TCHHL1: variants seen among roughly 807,000 people sequenced by gnomAD.
TCHHL1 encodes trichohyalin like 1.
Under a neutral mutation model 3.5 loss-of-function variants are expected in TCHHL1, and 1 was observed. The observed-to-expected ratio is 0.29, with a 90% confidence interval of 0.10 to 1.36. TCHHL1 has a LOEUF of 1.36. TCHHL1 is among the 40% of genes most tolerant of loss of function. TCHHL1 has a pLI of 0.43. For missense variants in TCHHL1, 1,027 were observed against 1,032.8 expected (o/e 0.99, Z 0.08); for synonymous variants, 405 against 375.3 (o/e 1.08, Z -0.92).
chr1:152,085,227 C>T lies in TCHHL1; in HGVS notation c.2455G>A (p.Glu819Lys), dbSNP rs766458601. ...GCTATCTGAACTTGCTTTTGATGCT[C>T]CTCTTGGGTTACATTTGTTTGCTGC... ...ILQQTNVTQE[E>K]HQKQVQIAQA... is the part of the protein sequence containing the mutation. Residue 819 changes from glutamate (E) to lysine (K), a missense_variant, in exon 3 of 3, where the codon GAG (glutamate) becomes AAG (lysine). By Grantham distance (56) the Glu-to-Lys change is moderately conservative. Coordinates refer to ENST00000368806, the MANE Select transcript of TCHHL1 (RefSeq NM_001008536.2). 3 of 1,614,172 alleles carry T rather than the reference C, an allele frequency of 1.9e-6. No homozygotes were observed. Among genetic ancestry groups the T allele is most frequent in the East Asian group, 2.2e-5 (1 of 44,886 alleles).
In TCHHL1 at chr1:152,085,273, C is replaced by T; in HGVS notation, c.2409G>A (p.Gln803=). Residue 803 remains glutamine, a synonymous_variant, in exon 3 of 3, where the codon CAG becomes CAA. Coordinates refer to ENST00000368806, the MANE Select transcript of TCHHL1 (RefSeq NM_001008536.2). ...GCTGCAGTATCTTCTCCTGTAGGTA[C>T]TGGTATAGTGGACTGGAATAGACTG... The part of the protein sequence containing the change: ...RGAVYSSPLY[Q]YLQEKILQQT... 4 of 1,614,164 alleles carry T rather than the reference C, an allele frequency of 2.5e-6. No individual in the cohort carries two copies. The highest frequency in any genetic ancestry group is 3.4e-6 in the Non-Finnish European group (4 of 1,180,032).
Position 152,087,071 on chromosome 1 carries a change from C to A in TCHHL1, c.611G>T (p.Gly204Val). 1.2e-6 allele frequency: 2 copies of A among 1,613,974 alleles called. No homozygotes were observed. Among genetic ancestry groups the A allele is most frequent in the South Asian group, 1.1e-5 (1 of 91,052 alleles). Residue 204 changes from glycine to valine, a missense_variant, in exon 3 of 3, where the codon GGC becomes GTC. Gly to Val is a moderately radical substitution (Grantham distance 109, BLOSUM62 -3). This residue lies in a region of TCHHL1 where 338 missense variants were observed against 335.9 expected (regional missense o/e 1.01). Transcript: ENST00000368806. ...QDIQTTEDNEGQLKTNKPMAG... is the reference protein window; with the variant it reads ...QDIQTTEDNEVQLKTNKPMAG... Reference sequence around the variant, plus strand: ...CATTGGCTTATTTGTCTTAAGTTGGCCTTCATTGTCTTCTGTTGTTTGTAT... The same window carrying A: ...CATTGGCTTATTTGTCTTAAGTTGGACTTCATTGTCTTCTGTTGTTTGTAT...
rs376845053 is a variant in TCHHL1, at chr1:152,085,070, C to T, written c.2612G>A (p.Gly871Asp). 2 of 1,614,020 alleles carry T rather than the reference C, an allele frequency of 1.2e-6. No homozygotes were observed. The highest frequency in any genetic ancestry group is 8.5e-7 in the Non-Finnish European group (1 of 1,180,012). The change falls in exon 3 of 3, where the codon GGT (glycine) becomes GAT (aspartate). Residue 871 changes from glycine to aspartate, a missense_variant. Coordinates refer to ENST00000368806, the MANE Select transcript of TCHHL1 (RefSeq NM_001008536.2). ...CTGGGGAGCTGGTGTTTCCTGTGCACCAGCAGGACTCTCATCAAGTGGAAG... is the reference window on the plus strand; with the variant it reads ...CTGGGGAGCTGGTGTTTCCTGTGCATCAGCAGGACTCTCATCAAGTGGAAG... ...RGLPLDESPA[G>D]AQETPAPQAL... is the part of the protein sequence containing the mutation.
At position 152,088,018 on chromosome 1, in the gene TCHHL1, C is replaced by T; in HGVS notation, c.126G>A (p.Gly42=). ...ELKQLIQGEF[G]DFFQPCVLHA... is the part of the protein sequence containing the mutation. ...GTGAGAAGCTCACCTGAAAAAAGTC[C>T]CCAAACTCGCCCTGGATGAGTTGTT... The change falls in exon 2 of 3, where the codon GGG becomes GGA. Residue 42 remains glycine, a synonymous_variant. Coordinates refer to ENST00000368806, the MANE Select transcript of TCHHL1 (RefSeq NM_001008536.2). 1 of 1,598,022 alleles carries T rather than the reference C, an allele frequency of 6.3e-7. No individual in the cohort carries two copies.
In TCHHL1 at chr1:152,086,360, C is replaced by A; in HGVS notation, c.1322G>T (p.Gly441Val). 1 of 1,614,198 alleles carries A rather than the reference C, an allele frequency of 6.2e-7. No individual in the cohort carries two copies. Among genetic ancestry groups the A allele is most frequent in the Non-Finnish European group, 8.5e-7 (1 of 1,180,018 alleles). The change falls in exon 3 of 3, where the codon GGT becomes GTT. Residue 441 changes from glycine to valine, a missense_variant. Gly to Val is a moderately radical substitution (Grantham distance 109). Coordinates refer to ENST00000368806, the MANE Select transcript of TCHHL1 (RefSeq NM_001008536.2). Reference sequence around the variant, plus strand: ...TGAGCTTAGATATTGTGTCTCAGAACCTTTTTCAGCATCTTTTGATTTTGA... The same window carrying A: ...TGAGCTTAGATATTGTGTCTCAGAAACTTTTTCAGCATCTTTTGATTTTGA... ...GLSKSKDAEK[G>V]SETQYLSSEG... is the part of the protein sequence containing the mutation.
At position 152,085,171 on chromosome 1, in the gene TCHHL1, T is replaced by C. The variant is rs1397768445; in HGVS notation, c.2511A>G (p.Val837=). Residue 837 remains valine (V), a synonymous_variant, in exon 3 of 3, where the codon GTA becomes GTG. Coordinates refer to ENST00000368806, the MANE Select transcript of TCHHL1 (RefSeq NM_001008536.2). The stretch of plus-strand genomic sequence containing the variant: ...AATCTGAGATCTCACTGGTGAGGGA[T>C]ACACTGCAAAGCTCTGGGCCTGATG... ...AQASGPELCS[V]SLTSEISDCS... The C allele has an allele frequency of 6.2e-7, 1 of 1,614,210 alleles. No individual in the cohort carries two copies. Among genetic ancestry groups the C allele is most frequent in the Admixed American group, 1.7e-5 (1 of 60,028 alleles).
In TCHHL1 at chr1:152,088,175, A is replaced by G. The variant is rs1376488525; in HGVS notation, c.-20-12T>C. The G allele has an allele frequency of 6.6e-7, 1 of 1,519,980 alleles. No homozygotes were observed. The highest frequency in any genetic ancestry group is 1.4e-5 in the African/African-American group (1 of 71,676). The allele number at this position is 1,519,980 out of a possible 1,614,324, so 94.2% of individuals were successfully genotyped here. On this transcript the variant is annotated splice_polypyrimidine_tract_variant and intron_variant, in intron 1 of 2. Transcript: ENST00000368806. ...AAACTCAGGAGAGGCTGTGAGAAAG[A>G]ATAAACAAAGCTCATTTTCCAGGAT...
rs765782324 is a variant in TCHHL1, at chr1:152,086,469, G to C, written c.1213C>G (p.Gln405Glu). The C allele has an allele frequency of 6.2e-7, 1 of 1,614,038 alleles. No homozygotes were observed. The highest frequency in any genetic ancestry group is 8.5e-7 in the Non-Finnish European group (1 of 1,180,012). Residue 405 changes from glutamine (Q) to glutamate (E), a missense_variant, in exon 3 of 3, where the codon CAG becomes GAG. Gln to Glu is a conservative substitution (Grantham distance 29). Transcript: ENST00000368806. The stretch of plus-strand genomic sequence containing the variant: ...CGAGTTTTTCTGTCACGTTCTTTCT[G>C]CCCTGCTGTTCCATGGGCCTCAGGA... ...RGPEAHGTAG[Q>E]KERDRKTRPL...
Position 152,086,573 on chromosome 1 carries a change from T to C in TCHHL1, c.1109A>G (p.Lys370Arg). 2 of 1,614,220 alleles carry C rather than the reference T, an allele frequency of 1.2e-6. No homozygotes were observed. The highest frequency in any genetic ancestry group is 1.7e-6 in the Non-Finnish European group (2 of 1,180,046). Reference protein sequence around the residue: ...SETQEKECETKDLPVQYGSRN... With the variant: ...SETQEKECETRDLPVQYGSRN... ...GCTACCATATTGGACTGGCAGGTCC[T>C]TTGTTTCACATTCTTTTTCTTGGGT... Residue 370 changes from lysine to arginine, a missense_variant, in exon 3 of 3, where the codon AAG becomes AGG. By Grantham distance (26) the Lys-to-Arg change is conservative (BLOSUM62 2). Coordinates refer to ENST00000368806, the MANE Select transcript of TCHHL1 (RefSeq NM_001008536.2).
Position 152,088,015 on chromosome 1 carries a change from G to A in TCHHL1, c.129C>T (p.Asp43=). The A allele has an allele frequency of 2.5e-6, 4 of 1,596,456 alleles. No homozygotes were observed. The highest frequency in any genetic ancestry group is 3.4e-6 in the Non-Finnish European group (4 of 1,174,046). Residue 43 remains aspartate (D), a synonymous_variant, in exon 2 of 3, where the codon GAC becomes GAT. Coordinates refer to ENST00000368806, the MANE Select transcript of TCHHL1 (RefSeq NM_001008536.2). ...LKQLIQGEFG[D]FFQPCVLHAV... ...TCTGTGAGAAGCTCACCTGAAAAAA[G>A]TCCCCAAACTCGCCCTGGATGAGTT...
chr1:152,087,942 C>T, intron 2 of TCHHL1, 64 bp downstream of exon 2: 1 of 1,512,816 alleles, frequency 6.6e-7, no homozygotes, highest in South Asian at 1.4e-5. Flanking sequence ...ATATGCTCAT[C>T]TTGCTTGGAT....
At position 152,085,537 on chromosome 1, in the gene TCHHL1, C is replaced by T. The variant is rs1215254097; in HGVS notation, c.2145G>A (p.Glu715=). The T allele has an allele frequency of 6.2e-7, 1 of 1,614,196 alleles. No homozygotes were observed. The highest frequency in any genetic ancestry group is 8.5e-7 in the Non-Finnish European group (1 of 1,180,044). ...SSKEEKGRAT[E]AQNTLLESLD... is the part of the protein sequence containing the mutation. The stretch of plus-strand genomic sequence containing the variant: ...GACTTTCTAACAGAGTATTCTGGGC[C>T]TCTGTTGCTCTTCCTTTCTCTTCTT... The change falls in exon 3 of 3, where the codon GAG becomes GAA. Residue 715 remains glutamate, a synonymous_variant. Transcript: ENST00000368806.
chr1:152,085,333 C>T lies in TCHHL1; in HGVS notation c.2349G>A (p.Gln783=), dbSNP rs760209561. 6 of 1,614,206 alleles carry T rather than the reference C, an allele frequency of 3.7e-6. No homozygotes were observed. The East Asian group carries it at 1.1e-4, about 30-fold the overall frequency. ...VPWSSLEKQM[Q]RDQEPCSVER... Reference sequence around the variant, plus strand: ...CCACAGAACAGGGCTCTTGGTCTCTCTGCATCTGCTTTTCAAGACTTGACC... The same window carrying T: ...CCACAGAACAGGGCTCTTGGTCTCTTTGCATCTGCTTTTCAAGACTTGACC... Residue 783 remains glutamine (Q), a synonymous_variant, in exon 3 of 3, where the codon CAG becomes CAA. Coordinates refer to ENST00000368806, the MANE Select transcript of TCHHL1 (RefSeq NM_001008536.2).
In TCHHL1 at chr1:152,086,975, TCTC is replaced by T; in HGVS notation, c.704_706del (p.Gly235del). ...AACACTTTGCTCTCTGGCTGGTTCA[TCTC>T]CTTCCTGGGAGATCTCCTTATCTTG... On this transcript the variant is annotated inframe_deletion, in exon 3 of 3. Coordinates refer to ENST00000368806, the MANE Select transcript of TCHHL1 (RefSeq NM_001008536.2). 1 of 1,614,182 alleles carries T rather than the reference TCTC, an allele frequency of 6.2e-7. No individual in the cohort carries two copies. Among genetic ancestry groups the T allele is most frequent in the Middle Eastern group, 1.6e-4 (1 of 6,062 alleles).
rs767707460 is a variant in TCHHL1 at position 152,086,704 on chromosome 1, A to G, written c.978T>C (p.Asp326=). Residue 326 remains aspartate (D), a synonymous_variant, in exon 3 of 3, where the codon GAT becomes GAC. Transcript: ENST00000368806. ...CTTGAGTGTCAAACATTCTACAGAC[A>G]TCCTTGGAATCAGTTGATTTCTGTG... ...SQTQKSTDSK[D]VCRMFDTQEP... is the part of the protein sequence containing the mutation. 6.8e-6 allele frequency: 11 copies of G among 1,614,204 alleles called. No homozygotes were observed. Among genetic ancestry groups the G allele is most frequent in the Non-Finnish European group, 9.3e-6 (11 of 1,180,036 alleles).
rs1657683872 is a variant in TCHHL1, at chr1:152,084,757, T to A, written c.*210A>T. 1.8e-6 allele frequency: 1 copy of A among 540,934 alleles called. No homozygotes were observed. Among genetic ancestry groups the A allele is most frequent in the African/African-American group, 1.9e-5 (1 of 52,422 alleles). 33.5% of individuals were successfully genotyped at this position (540,934 alleles called of 1,614,324 possible). ...CAAAGCCCATTTTGGCATTTGGAAG[T>A]AGCATTGTTTGGTAGGAGTTTTACT... is the stretch of plus-strand genomic sequence containing the variant. On this transcript the variant is annotated 3_prime_UTR_variant, in exon 3 of 3. Coordinates refer to ENST00000368806, the MANE Select transcript of TCHHL1 (RefSeq NM_001008536.2).
In TCHHL1 at chr1:152,087,322, C is replaced by T. The variant is rs201184402; in HGVS notation, c.360G>A (p.Gln120=). Residue 120 remains glutamine, a synonymous_variant, in exon 3 of 3, where the codon CAG becomes CAA. Coordinates refer to ENST00000368806, the MANE Select transcript of TCHHL1 (RefSeq NM_001008536.2). ...VDVQATTGDG[Q]WTVGTSPTQE... Reference sequence around the variant, plus strand: ...GAGTTGGTGAAGTTCCCACTGTCCACTGACCATCTCCGGTGGTTGCCTGAA... The same window carrying T: ...GAGTTGGTGAAGTTCCCACTGTCCATTGACCATCTCCGGTGGTTGCCTGAA... 1 of 1,614,014 alleles carries T rather than the reference C, an allele frequency of 6.2e-7. No homozygotes were observed. The highest frequency in any genetic ancestry group is 8.5e-7 in the Non-Finnish European group (1 of 1,180,012).
Position 152,086,447 on chromosome 1 carries a change from G to A in TCHHL1, c.1235C>T (p.Thr412Ile), listed in dbSNP as rs984285030. Residue 412 changes from threonine to isoleucine, a missense_variant, in exon 3 of 3, where the codon ACT (threonine) becomes ATT (isoleucine). This residue lies in a region of TCHHL1 where 673 missense variants were observed against 658.6 expected (regional missense o/e 1.02). Coordinates refer to ENST00000368806, the MANE Select transcript of TCHHL1 (RefSeq NM_001008536.2). ...TAGQKERDRK[T>I]RPLVLETQTQ... The stretch of plus-strand genomic sequence containing the variant: ...TTGGGTTTCCAGGACTAGTGGCCGA[G>A]TTTTTCTGTCACGTTCTTTCTGCCC... The A allele has an allele frequency of 1.2e-6, 2 of 1,614,098 alleles. No individual in the cohort carries two copies. The highest frequency in any genetic ancestry group is 1.7e-6 in the Non-Finnish European group (2 of 1,180,034).
At position 152,085,626 on chromosome 1, in the gene TCHHL1, G is replaced by C. The variant is rs1234528115; in HGVS notation, c.2056C>G (p.Leu686Val). The C allele has an allele frequency of 6.2e-7, 1 of 1,614,164 alleles. No homozygotes were observed. The change falls in exon 3 of 3, where the codon CTA becomes GTA. Residue 686 changes from leucine (L) to valine (V), a missense_variant. Transcript: ENST00000368806. Reference protein sequence around the residue: ...LDEDFTDQLSLMQLPGKGDSR... With the variant: ...LDEDFTDQLSVMQLPGKGDSR... ...TCTCCCTTTCCAGGGAGCTGCATTA[G>C]GGAAAGCTGGTCAGTGAAGTCTTCA... is the stretch of plus-strand genomic sequence containing the variant.
Sources: allele counts gnomAD v4.1 joint callset, GRCh38; gene constraint gnomAD v4.1.1; regional missense constraint gnomAD v4.1.1; transcripts MANE v1.5; gene names NCBI Gene and HGNC (gene_info 2026-07-23, HGNC 2026-07-21).